DNAH11: variants seen among roughly 807,000 people sequenced by gnomAD.
DNAH11 encodes the protein axonemal beta dynein heavy chain 11.
DNAH11 carries 442 observed loss-of-function variants against 526.0 expected under a neutral mutation model. The ratio of observed to expected loss-of-function variants is 0.84; its 90% CI spans 0.78 to 0.91. The LOEUF is 0.91. DNAH11 is among the 40% of genes least tolerant of loss of function. DNAH11 has a pLI of 0.00. For synonymous variants in DNAH11, 2,461 were observed against 1,935.9 expected (o/e 1.27, Z -7.12); for missense variants, 6,989 against 5,448.7 (o/e 1.28, Z -8.90).
chr7:21,576,490 G>T (rs917477549), intron 8 of DNAH11, among the ~76,000 whole-genome samples: 1 of 152,204 alleles, frequency 6.6e-6, no homozygotes, highest in Non-Finnish European at 1.5e-5. Context: ...CTCTGATAGA[G>T]GGTATGGATA....
At chr7:21,893,935 C>G (rs1235726050) in intron 77 of DNAH11, among the ~76,000 whole-genome samples, 3 of 152,174 alleles carry the variant, frequency 2.0e-5, no homozygotes, top group Admixed American at 6.5e-5. Context: ...GTTGCCCAGG[C>G]TGGAATGCAG....
At position 21,880,877 on chromosome 7, in the gene DNAH11, T is replaced by C. The variant is rs1388130536; in HGVS notation, c.12371T>C (p.Leu4124Ser). 6.2e-7 allele frequency: 1 copy of C among 1,604,760 alleles called. No homozygotes were observed. Among genetic ancestry groups the C allele is most frequent in the East Asian group, 2.2e-5 (1 of 44,804 alleles). ...TGTGCCAGTGTCCTCTACAACTACT[T>C]AGAGGCAAACTCTAAAGTAAGTGCT... ...TICASVLYNY[L>S]EANSKVPWED... Residue 4124 changes from leucine to serine, a missense_variant, in exon 75 of 82, where the codon TTA (leucine) becomes TCA (serine). By Grantham distance (145) the Leu-to-Ser change is moderately radical. Coordinates refer to ENST00000409508, the MANE Select transcript of DNAH11 (RefSeq NM_001277115.2).
intron 79 of DNAH11, among the ~76,000 whole-genome samples, chr7:21,896,317 T>A (rs527307417): frequency 6.6e-6 from 1 of 152,312 alleles, no homozygotes; most frequent in East Asian, 1.9e-4. Flanking sequence ...TCTGAAACTG[T>A]CCTCACTGCA....
intron 36 of DNAH11, among the ~76,000 whole-genome samples, chr7:21,700,813 C>T (rs756794648): frequency 3.3e-5 from 5 of 152,110 alleles, no homozygotes; most frequent in Non-Finnish European, 7.4e-5. Context: ...TTTGCAGAGA[C>T]ATGGACGAGG....
intron 54 of DNAH11, among the ~76,000 whole-genome samples, chr7:21,762,741 A>G (rs892373570): frequency 7.9e-5 from 12 of 152,222 alleles, no homozygotes; most frequent in Admixed American, 1.3e-4. Flanking sequence ...CTTACAACCT[A>G]TGGAAGAATC....
chr7:21,549,028 C>T (rs756531978), intron 2 of DNAH11, among the ~76,000 whole-genome samples: 3 of 152,062 alleles, frequency 2.0e-5, no homozygotes, highest in Non-Finnish European at 4.4e-5. Context: ...ATTACAGGCA[C>T]CACTGTGCCT....
At chr7:21,727,094 C>T (rs1274277907) in intron 45 of DNAH11, among the ~76,000 whole-genome samples, 7 of 150,612 alleles carry the variant, frequency 4.6e-5, no homozygotes, top group South Asian at 4.2e-4. Context: ...CCACCACGCC[C>T]GGCTAATGTT....
At chr7:21,864,000 C>A (rs953761362) in intron 69 of DNAH11, among the ~76,000 whole-genome samples, 2 of 152,098 alleles carry the variant, frequency 1.3e-5, no homozygotes, top group Admixed American at 1.3e-4. Flanking sequence ...GTTCTGTGAC[C>A]AGAATGTCTA....
In DNAH11 at chr7:21,772,729, A is replaced by G. The variant is rs754542512; in HGVS notation, c.9103-1037A>G. Among the ~76,000 whole-genome samples, 7 of 152,196 alleles carry G rather than the reference A, an allele frequency of 4.6e-5. 1 individual carries two copies. The highest frequency in any genetic ancestry group is 4.1e-4 in the South Asian group (2 of 4,834). On this transcript the variant is annotated intron_variant, in intron 55 of 81. Transcript: ENST00000409508. Reference sequence around the variant, plus strand: ...AGATGGATTTTTAATACGCAGCACAATGCAATATGTGGGTATTCCAAACCC... The same window carrying G: ...AGATGGATTTTTAATACGCAGCACAGTGCAATATGTGGGTATTCCAAACCC...
At chr7:21,783,920 C>T (rs1788065142) in intron 57 of DNAH11, among the ~76,000 whole-genome samples, 1 of 152,146 alleles carries the variant, frequency 6.6e-6, no homozygotes, top group South Asian at 2.1e-4. Context: ...CGATCCATGA[C>T]CACAGAATAG....
At chr7:21,824,934 G>T (rs1963782) in intron 65 of DNAH11, among the ~76,000 whole-genome samples, 2 of 151,896 alleles carry the variant, frequency 1.3e-5, no homozygotes, top group African/African-American at 4.8e-5. Flanking sequence ...TGCAGTGGCG[G>T]GATCTTGGCT....
chr7:21,565,146 C>A (rs1296131207), intron 6 of DNAH11, among the ~76,000 whole-genome samples: 1 of 152,180 alleles, frequency 6.6e-6, no homozygotes. Context: ...TCTCACAGTT[C>A]TAGAGGCTGA....
chr7:21,697,477 T>C (rs745992055), intron 35 of DNAH11, among the ~76,000 whole-genome samples: 6 of 152,168 alleles, frequency 3.9e-5, no homozygotes, highest in Admixed American at 1.3e-4. Context: ...CAACTTTTGA[T>C]TCAATAAGTT....
intron 66 of DNAH11, among the ~76,000 whole-genome samples, chr7:21,849,972 T>G (rs1192777991): frequency 6.6e-6 from 1 of 150,698 alleles, no homozygotes; most frequent in Non-Finnish European, 1.5e-5. Flanking sequence ...CCTTTTTAAT[T>G]TTTATTCTTT....
chr7:21,780,672 G>T (rs1787903627), intron 57 of DNAH11, among the ~76,000 whole-genome samples: 1 of 152,138 alleles, frequency 6.6e-6, no homozygotes, highest in Non-Finnish European at 1.5e-5. Context: ...CATCTGACAG[G>T]TTGTTTAGTG....
At position 21,742,057 on chromosome 7, in the gene DNAH11, T is replaced by G. The variant is rs990453651; in HGVS notation, c.8045T>G (p.Leu2682Trp). Reference protein sequence around the residue: ...APSILRSGPTLIQATIAFHQT... With the variant: ...APSILRSGPTWIQATIAFHQT... ...TCAATTCTCAGGAGTGGCCCCACTT[T>G]GATCCAGGCAACAATAGCATTCCAT... The change falls in exon 49 of 82, where the codon TTG becomes TGG. Residue 2682 changes from leucine (L) to tryptophan (W), a missense_variant. Leu to Trp is a moderately conservative substitution (Grantham distance 61). Coordinates refer to ENST00000409508, the MANE Select transcript of DNAH11 (RefSeq NM_001277115.2). 21 of 1,613,870 alleles carry G rather than the reference T, an allele frequency of 1.3e-5. No homozygotes were observed. Among genetic ancestry groups the G allele is most frequent in the Non-Finnish European group, 1.6e-5 (19 of 1,179,872 alleles).
intron 30 of DNAH11, among the ~76,000 whole-genome samples, chr7:21,669,987 A>G (rs1782580888): frequency 6.6e-6 from 1 of 151,970 alleles, no homozygotes; most frequent in Non-Finnish European, 1.5e-5. Context: ...TTTGTTCATT[A>G]TTTTCCCCAA....
In DNAH11 at chr7:21,684,042, A is replaced by G. The variant is rs185716122; in HGVS notation, c.5621+98A>G. On this transcript the variant is annotated intron_variant, in intron 32 of 81. Coordinates refer to ENST00000409508, the MANE Select transcript of DNAH11 (RefSeq NM_001277115.2). ...AAGGAATGAGAGGAAACGATGAACA[A>G]TGAACTATGTGAAAGTGGTGAAGAG... 89 of 1,277,076 alleles carry G rather than the reference A, an allele frequency of 7.0e-5. No individual in the cohort carries two copies. In the African/African-American group the frequency reaches 1.0e-3, roughly 14 times the overall value. The allele number at this position is 1,277,076 out of a possible 1,614,324, so 79.1% of individuals were successfully genotyped here.
intron 30 of DNAH11, among the ~76,000 whole-genome samples, chr7:21,667,759 T>C (rs1206135120): frequency 6.6e-6 from 1 of 152,180 alleles, no homozygotes; most frequent in Non-Finnish European, 1.5e-5. Flanking sequence ...TAAGAGATTT[T>C]AAAATGACTG....
Sources: gnomAD v4.1 joint callset for allele counts (sites outside exome capture counted in the v4.1 genomes callset) on GRCh38, gnomAD v4.1.1 for gene constraint, MANE v1.5 for transcripts, NCBI Gene and HGNC (gene_info 2026-07-23, HGNC 2026-07-21) for gene names.